THBS3: variants seen among roughly 807,000 people sequenced by gnomAD.
THBS3 encodes thrombospondin-3.
THBS3 carries 78 observed loss-of-function variants against 118.3 expected under a neutral mutation model. That is an observed-to-expected ratio of 0.66 (90% CI 0.55 to 0.80). The LOEUF is 0.80. THBS3 is among the 30% of genes least tolerant of loss of function. The pLI is 0.00. For missense variants in THBS3, 1,057 were observed against 1,247.4 expected, an observed-to-expected ratio of 0.85 and a Z score of 2.30; for synonymous variants, 427 against 475.3, an observed-to-expected ratio of 0.90 and a Z score of 1.32.
chr1:155,207,732 C>T, intron 1 of THBS3, 66 bp downstream of exon 1: 1 of 1,541,800 alleles, frequency 6.5e-7, no homozygotes, highest in Non-Finnish European at 8.9e-7. Context: ...ATGTTCTCTG[C>T]TACTTGGGCT....
chr1:155,200,124 T>C lies in THBS3; in HGVS notation c.1709-11A>G. ...ATCCATTGGGGATGCCTAGAAGACA[T>C]GGGTAGCACAAGGTTGTTACTAGAA... is the stretch of plus-strand genomic sequence containing the variant. On this transcript the variant is annotated splice_polypyrimidine_tract_variant and intron_variant, in intron 14 of 22. Coordinates refer to ENST00000368378, the MANE Select transcript of THBS3 (RefSeq NM_007112.5). 1 of 1,537,092 alleles carries C rather than the reference T, an allele frequency of 6.5e-7. No homozygotes were observed. Among genetic ancestry groups the C allele is most frequent in the Admixed American group, 2.1e-5 (1 of 48,194 alleles).
Position 155,200,956 on chromosome 1 carries a change from CATT to C in THBS3, c.1486_1488del (p.Asn496del). 6.2e-7 allele frequency: 1 copy of C among 1,614,190 alleles called. No homozygotes were observed. The highest frequency in any genetic ancestry group is 8.5e-7 in the Non-Finnish European group (1 of 1,180,038). ...TCATCACACTGGTCCCCCACACCAT[CATT>C]ATCAGCATCTTCCTGCCCAGAGTTG... On this transcript the variant is annotated inframe_deletion, in exon 13 of 23. Coordinates refer to ENST00000368378, the MANE Select transcript of THBS3 (RefSeq NM_007112.5).
rs1669858839 is a variant in THBS3, at chr1:155,202,198, C to T, written c.1098+63G>A. ...TTCATCACAAGGGTCCCATGTCCAA[C>T]CCAGAAGCCCCTGGCCTCTACAAGG... On this transcript the variant is annotated intron_variant, in intron 9 of 22. Coordinates refer to ENST00000368378, the MANE Select transcript of THBS3 (RefSeq NM_007112.5). The surrounding 1 kb of genome is among the most constrained non-coding windows in gnomAD (Gnocchi z 5.5). 6.9e-6 allele frequency: 11 copies of T among 1,595,584 alleles called. No individual in the cohort carries two copies. Among genetic ancestry groups the T allele is most frequent in the South Asian group, 2.3e-5 (2 of 88,634 alleles).
chr1:155,197,402 G>A lies in THBS3; in HGVS notation c.2499+61C>T, dbSNP rs1213393735. 2.3e-5 allele frequency: 36 copies of A among 1,579,962 alleles called. No homozygotes were observed. The highest frequency in any genetic ancestry group is 3.1e-5 in the Non-Finnish European group (36 of 1,160,308). Reference sequence around the variant, plus strand: ...CAGTCAAGCAGTGGGGGAGGCCCTGGGGCTGCAGAGGAGAGCTTTGGGAAA... The same window carrying A: ...CAGTCAAGCAGTGGGGGAGGCCCTGAGGCTGCAGAGGAGAGCTTTGGGAAA... On this transcript the variant is annotated intron_variant, in intron 20 of 22. Transcript: ENST00000368378. The surrounding 1 kb of genome is among the most constrained non-coding windows in gnomAD (Gnocchi z 5.0).
chr1:155,198,344 G>A, intron 17 of THBS3, 65 bp downstream of exon 17: 1 of 1,590,036 alleles, frequency 6.3e-7, no homozygotes, highest in Non-Finnish European at 8.6e-7. Flanking sequence ...TTCCCAACAG[G>A]GCTTGCTGCC....
rs1669006907 is a variant in THBS3 at position 155,198,151 on chromosome 1, C to T, written c.2144G>A (p.Cys715Tyr). ...NDAVVDPLDV[C>Y]PESAEVTLTD... ...AAGCGTTACCTCTGCACTTTCAGGA[C>T]ACACATCCAGGGGGTCGACCACAGC... The change falls in exon 18 of 23, where the codon TGT becomes TAT. Residue 715 changes from cysteine (C) to tyrosine (Y), a missense_variant. Physicochemically the swap from Cys to Tyr is radical, Grantham distance 194. Around this residue, in one of 3 missense-constraint regions of THBS3, gnomAD observed 307 missense variants for 326.1 expected, o/e 0.94. Transcript: ENST00000368378. The T allele has an allele frequency of 6.2e-7, 1 of 1,614,186 alleles. No individual in the cohort carries two copies. The highest frequency in any genetic ancestry group is 8.5e-7 in the Non-Finnish European group (1 of 1,180,048).
chr1:155,200,355 C>G, intron 14 of THBS3, 96 bp downstream of exon 14: 1 of 1,490,470 alleles, frequency 6.7e-7, no homozygotes, highest in Non-Finnish European at 9.1e-7. Context: ...GCCTGCCTCC[C>G]TATTTCACAG....
In THBS3 at chr1:155,205,129, G is replaced by A. The variant is rs1226162785; in HGVS notation, c.474C>T (p.Ala158=). The change falls in exon 3 of 23, where the codon GCC becomes GCT. Residue 158 remains alanine (A), a synonymous_variant. Transcript: ENST00000368378. ...GDQHAGLPAL[A]PIPPAEVDGL... ...CATCGACCTCCGCTGGAGGAATGGG[G>A]GCCAGTGCTGGAAGGCCTGCATGTT... 1.9e-6 allele frequency: 3 copies of A among 1,614,178 alleles called. No individual in the cohort carries two copies. The South Asian group carries it at 3.3e-5, about 18-fold the overall frequency.
Position 155,197,114 on chromosome 1 carries a change from G to T in THBS3, c.2599C>A (p.Arg867=). The change falls in exon 21 of 23, where the codon CGA becomes AGA. Residue 867 remains arginine (R), a synonymous_variant. Coordinates refer to ENST00000368378, the MANE Select transcript of THBS3 (RefSeq NM_007112.5). This position sits in a 1 kb window ranked among gnomAD's most constrained non-coding sequence, Gnocchi z 5.0. ...GTCTTGTCCCGCCAGCCCACATTTC[G>T]TGGGTCTGTCCACAGCAGTCGTACC... ...DQVRLLWTDP[R]NVGWRDKTSY... 6.2e-7 allele frequency: 1 copy of T among 1,614,170 alleles called. No homozygotes were observed. Among genetic ancestry groups the T allele is most frequent in the Non-Finnish European group, 8.5e-7 (1 of 1,180,036 alleles).
intron 10 of THBS3, 153 bp from the exon 11 acceptor site, chr1:155,201,722 G>C (rs1291897121): frequency 7.9e-6 from 8 of 1,009,186 alleles, no homozygotes; most frequent in Middle Eastern, 3.0e-4. Flanking sequence ...CTTTCAGGGT[G>C]GATAACAGCC....
At chr1:155,201,295 A>T (rs1669677471) in intron 11 of THBS3, 91 bp from the exon 12 acceptor site, 2 of 1,588,654 alleles carry the variant, frequency 1.3e-6, no homozygotes, top group South Asian at 2.3e-5. Flanking sequence ...TCTCCCCACC[A>T]AACAGTTCCT....
chr1:155,203,604 G>A (rs1464365293), intron 4 of THBS3, 65 bp from the exon 5 acceptor site: 1 of 1,590,106 alleles, frequency 6.3e-7, no homozygotes, highest in Admixed American at 1.7e-5. Context: ...TGGTTGGTGA[G>A]AAGGAGGAAG....
intron 4 of THBS3, among the ~76,000 whole-genome samples, chr1:155,203,889 A>G (rs1287096491): frequency 2.6e-5 from 4 of 151,528 alleles, no homozygotes; most frequent in Non-Finnish European, 5.9e-5. Flanking sequence ...CCAGGCTGGA[A>G]TGCAGTGGCG....
In THBS3 at chr1:155,199,756, G is replaced by A. The variant is rs199733927; in HGVS notation, c.1880+48C>T. 1.2e-4 allele frequency: 193 copies of A among 1,607,128 alleles called. 2 individuals are homozygous for A. The East Asian group carries it at 4.2e-3, about 35-fold the overall frequency. On this transcript the variant is annotated intron_variant, in intron 16 of 22. Transcript: ENST00000368378. ...GGTGACAGAGCAAGACTCCGTCTCA[G>A]AAAGACAAAAAAAAGAAAGACCTTG...
intron 2 of THBS3, chr1:155,205,602 AC>A (rs1467858188): frequency 5.4e-6 from 2 of 373,662 alleles, no homozygotes; most frequent in African/African-American, 4.1e-5. Context: ...ACATGGCGAA[AC>A]CCTGTTTCTA....
At chr1:155,204,009 T>C (rs1412793383) in intron 4 of THBS3, among the ~76,000 whole-genome samples, 3 of 152,034 alleles carry the variant, frequency 2.0e-5, no homozygotes, top group Admixed American at 6.6e-5. Flanking sequence ...AGCTAATTTT[T>C]TGTATTTTTT....
In THBS3 at chr1:155,205,077, C is replaced by T; in HGVS notation, c.526G>A (p.Ala176Thr). 6.2e-7 allele frequency: 1 copy of T among 1,613,766 alleles called. No individual in the cohort carries two copies. Among genetic ancestry groups the T allele is most frequent in the Non-Finnish European group, 8.5e-7 (1 of 1,179,816 alleles). The change falls in exon 3 of 23, where the codon GCG (alanine) becomes ACG (threonine). Residue 176 changes from alanine to threonine, a missense_variant. Physicochemically the swap from Ala to Thr is moderately conservative, Grantham distance 58. This residue lies in a region of THBS3 where 544 missense variants were observed against 715.6 expected (regional missense o/e 0.76). Coordinates refer to ENST00000368378, the MANE Select transcript of THBS3 (RefSeq NM_007112.5). ...CGGCTCACCTGCATCCTCAAATACG[C>T]CTTCTGTCCAGTCCTAATCTCCAGC... The part of the protein sequence containing the change: ...DGLEIRTGQK[A>T]YLRMQGFVES...
chr1:155,195,697 C>T lies in THBS3; in HGVS notation c.*144G>A, dbSNP rs1432328083. ...ATCCCCTGAAGGGTGGGGTGACCAC[C>T]CCTCTGGGACTGAACTCCTTTTGGG... is the stretch of plus-strand genomic sequence containing the variant. On this transcript the variant is annotated 3_prime_UTR_variant, in exon 23 of 23. Coordinates refer to ENST00000368378, the MANE Select transcript of THBS3 (RefSeq NM_007112.5). 22 of 839,038 alleles carry T rather than the reference C, an allele frequency of 2.6e-5. No individual in the cohort carries two copies. Among genetic ancestry groups the T allele is most frequent in the Non-Finnish European group, 4.2e-5 (22 of 528,988 alleles). 52.0% of individuals were successfully genotyped at this position (839,038 alleles called of 1,614,324 possible). A position where few individuals can be genotyped will look rare whatever the true frequency, so the allele number is the denominator to read the frequency against.
Position 155,195,781 on chromosome 1 carries a change from G to A in THBS3, c.*60C>T. ...TGTAGCTTAGACCTCAGGGTCTCCA[G>A]GATGGACCCCAAGGCCAAAGGGTCT... On this transcript the variant is annotated 3_prime_UTR_variant, in exon 23 of 23. Transcript: ENST00000368378. 1.3e-6 allele frequency: 2 copies of A among 1,578,668 alleles called. No individual in the cohort carries two copies. Among genetic ancestry groups the A allele is most frequent in the South Asian group, 2.2e-5 (2 of 89,950 alleles).
Sources: allele counts gnomAD v4.1 joint callset (sites outside exome capture counted in the v4.1 genomes callset), GRCh38; gene constraint gnomAD v4.1.1; regional missense constraint gnomAD v4.1.1; non-coding constraint Gnocchi (gnomAD v3.1); transcripts MANE v1.5; gene names NCBI Gene and HGNC (gene_info 2026-07-23, HGNC 2026-07-21).